PTPRN2: variants seen among roughly 807,000 people sequenced by gnomAD.
The protein encoded by PTPRN2 is receptor-type tyrosine-protein phosphatase N2.
A neutral mutation model predicts 118.8 loss-of-function variants in PTPRN2; 74 were observed. The ratio of observed to expected loss-of-function variants is 0.62; its 90% CI spans 0.52 to 0.76. PTPRN2 has a LOEUF of 0.76. Ranked by LOEUF, PTPRN2 falls within the 30% of genes least tolerant of loss-of-function variation. The probability of loss-of-function intolerance (pLI) is 0.00; values close to 1 mark genes in which losing one functional copy is unlikely to be tolerated. For missense variants in PTPRN2, 1,481 were observed against 1,394.4 expected (o/e 1.06, Z -0.99); for synonymous variants, 641 against 608.0 (o/e 1.05, Z -0.80).
chr7:158,341,863 GC>G lies in PTPRN2; in HGVS notation c.164-24932del, dbSNP rs1806898144. Among the ~76,000 whole-genome samples the G allele has an allele frequency of 3.5e-5, 3 of 84,742 alleles. 1 individual carries two copies. Among genetic ancestry groups the G allele is most frequent in the Non-Finnish European group, 6.6e-5 (3 of 45,308 alleles). The allele number at this position is 84,742 out of a possible 152,430, so 55.6% of individuals were successfully genotyped here. ...ACCCACACTCTCACCATAAGAGTGT[GC>G]CCCGCAGGCGTCACTCACACCCACA... is the stretch of plus-strand genomic sequence containing the variant. On this transcript the variant is annotated intron_variant, in intron 2 of 22. Transcript: ENST00000389418.
In PTPRN2 at chr7:157,671,107, C is replaced by T. The variant is rs1256119500; in HGVS notation, c.2001+11618G>A. On this transcript the variant is annotated intron_variant, in intron 13 of 22. Coordinates refer to ENST00000389418, the MANE Select transcript of PTPRN2 (RefSeq NM_002847.5). This position sits in a 1 kb window ranked among gnomAD's most constrained non-coding sequence, Gnocchi z 4.1. Reference sequence around the variant, plus strand: ...CCAAGAGGGTTTACATGCTCCCCCGCCCCCCGTCCCCTGCCCACAGACCTG... The same window carrying T: ...CCAAGAGGGTTTACATGCTCCCCCGTCCCCCGTCCCCTGCCCACAGACCTG... 2.8e-5 allele frequency among the ~76,000 whole-genome samples: 4 copies of T among 141,724 alleles called. No individual in the cohort carries two copies. Among genetic ancestry groups the T allele is most frequent in the East Asian group, 2.3e-4 (1 of 4,350 alleles). The allele number at this position is 141,724 out of a possible 152,430, so 93.0% of individuals were successfully genotyped here.
At chr7:158,369,266 C>T (rs12113599) in intron 2 of PTPRN2, among the ~76,000 whole-genome samples, 695 of 23,302 alleles carry the variant, frequency 0.03, 9 homozygotes, top group Admixed American at 0.15. Flanking sequence ...TATATACACA[C>T]ATACACACAC....
intron 21 of PTPRN2, among the ~76,000 whole-genome samples, chr7:157,559,269 C>G (rs1413277876): frequency 6.6e-6 from 1 of 152,192 alleles, no homozygotes; most frequent in Non-Finnish European, 1.5e-5. Flanking sequence ...CCTGCTGCCT[C>G]TGGGGACAGC....
intron 3 of PTPRN2, among the ~76,000 whole-genome samples, chr7:158,244,803 T>C (rs909841707): frequency 3.5e-5 from 5 of 144,134 alleles, no homozygotes; most frequent in African/African-American, 1.1e-4. Context: ...GTGTGAGTTG[T>C]GTGTGAGAGT....
intron 12 of PTPRN2, among the ~76,000 whole-genome samples, chr7:157,775,507 G>T (rs979748884): frequency 1.3e-5 from 2 of 152,244 alleles, no homozygotes; most frequent in Non-Finnish European, 2.9e-5. Flanking sequence ...CTGAATACAG[G>T]ACTCGATGCC....
At chr7:157,855,005 T>A (rs1809584811) in intron 12 of PTPRN2, 1 of 159,688 alleles carries the variant, frequency 6.3e-6, no homozygotes, top group Non-Finnish European at 1.3e-5. Context: ...ATTGCAGGGG[T>A]GTGTGTGGGG....
intron 9 of PTPRN2, among the ~76,000 whole-genome samples, chr7:158,133,358 C>T (rs1032142946): frequency 6.6e-6 from 1 of 152,184 alleles, no homozygotes; most frequent in South Asian, 2.1e-4. Flanking sequence ...GATTCTGACC[C>T]GCAGAGAGGC....
Position 157,599,679 on chromosome 7 carries a change from C to T in PTPRN2, c.2418+4323G>A, listed in dbSNP as rs977889507. Among the ~76,000 whole-genome samples, 3 of 152,192 alleles carry T rather than the reference C, an allele frequency of 2.0e-5. No individual in the cohort carries two copies. The South Asian group carries it at 6.2e-4, about 31-fold the overall frequency. ...CACTGCGGGGCAGGTGAAGGGAACG[C>T]CAGTTTCTGCTCCCAAACCAGCCCC... On this transcript the variant is annotated intron_variant, in intron 16 of 22. Transcript: ENST00000389418.
chr7:158,420,576 T>C (rs1489509240), intron 2 of PTPRN2, among the ~76,000 whole-genome samples: 1 of 152,192 alleles, frequency 6.6e-6, no homozygotes, highest in Non-Finnish European at 1.5e-5. Context: ...GCTTGACAAA[T>C]ATCGTGCATA....
In PTPRN2 at chr7:158,167,102, T is replaced by C. The variant is rs73745196; in HGVS notation, c.739A>G (p.Ser247Gly). ...VDRHHLMAAL[S>G]AYAAQRPPAP... is the part of the protein sequence containing the mutation. Reference sequence around the variant, plus strand: ...GGGGGCCTCTGGGCAGCATAGGCACTGAGGGCCGCCATCAGATGGTGTCTG... The same window carrying C: ...GGGGGCCTCTGGGCAGCATAGGCACCGAGGGCCGCCATCAGATGGTGTCTG... Residue 247 changes from serine (S) to glycine (G), a missense_variant, in exon 6 of 23, where the codon AGT (serine) becomes GGT (glycine). Around this residue, in one of 3 missense-constraint regions of PTPRN2, gnomAD observed 1,115 missense variants for 994.2 expected, o/e 1.12. Transcript: ENST00000389418. The C allele has an allele frequency of 3.4e-3, 5,548 of 1,613,034 alleles. 159 individuals are homozygous for C. The African/African-American group carries it at 0.063, about 18-fold the overall frequency.
At position 158,441,318 on chromosome 7, in the gene PTPRN2, A is replaced by G. The variant is rs1425471019; in HGVS notation, c.163+48417T>C. The stretch of plus-strand genomic sequence containing the variant: ...GATGGTGATAGTAATGGTGATGGCA[A>G]TGAAGGTGATGGTGATGGTGATCAG... On this transcript the variant is annotated intron_variant, in intron 2 of 22. Transcript: ENST00000389418. Among the ~76,000 whole-genome samples the G allele has an allele frequency of 1.5e-4, 14 of 90,948 alleles. 2 individuals are homozygous for G. The highest frequency in any genetic ancestry group is 0.015 in the Middle Eastern group (2 of 130). 59.7% of individuals were successfully genotyped at this position (90,948 alleles called of 152,430 possible).
intron 11 of PTPRN2, among the ~76,000 whole-genome samples, chr7:158,001,621 T>C (rs1236964050): frequency 6.6e-6 from 1 of 151,880 alleles, no homozygotes; most frequent in Non-Finnish European, 1.5e-5. Context: ...ACGCAGGCAG[T>C]GTAGTAGATG....
At chr7:158,340,905 G>T (rs1806623736) in intron 2 of PTPRN2, among the ~76,000 whole-genome samples, 1 of 85,270 alleles carries the variant, frequency 1.2e-5, no homozygotes, top group Admixed American at 1.2e-4. Context: ...GACACCCGAA[G>T]TCAGTCACAC....
intron 5 of PTPRN2, among the ~76,000 whole-genome samples, chr7:158,171,817 TGAAG>T (rs1368606792): frequency 6.6e-6 from 1 of 152,160 alleles, no homozygotes; most frequent in Non-Finnish European, 1.5e-5. Context: ...AACATACCAA[TGAAG>T]GGAGGTTTCC....
chr7:158,212,943 C>CA (rs1402295685), intron 3 of PTPRN2, among the ~76,000 whole-genome samples: 1 of 152,048 alleles, frequency 6.6e-6, no homozygotes, highest in Non-Finnish European at 1.5e-5. Flanking sequence ...GTTATGAAGG[C>CA]AAAATCCATG....
chr7:157,769,902 G>A (rs1802699216), intron 12 of PTPRN2, among the ~76,000 whole-genome samples: 4 of 152,288 alleles, frequency 2.6e-5, no homozygotes, highest in East Asian at 1.9e-4. Context: ...CCCAAGACCC[G>A]GCAGATGGCC....
intron 12 of PTPRN2, among the ~76,000 whole-genome samples, chr7:157,800,897 A>G (rs1805235189): frequency 6.6e-6 from 1 of 151,888 alleles, no homozygotes; most frequent in Non-Finnish European, 1.5e-5. Flanking sequence ...GCTTGCAGTG[A>G]GCCGAGATCG....
At chr7:158,274,628 G>A (rs751969391) in intron 3 of PTPRN2, among the ~76,000 whole-genome samples, 20 of 152,172 alleles carry the variant, frequency 1.3e-4, no homozygotes, top group Admixed American at 3.9e-4. Context: ...TCCTGGGAAC[G>A]CTGTGGAAAT....
intron 14 of PTPRN2, among the ~76,000 whole-genome samples, chr7:157,637,811 CT>C (rs1804413561): frequency 1.3e-5 from 2 of 152,206 alleles, no homozygotes; most frequent in South Asian, 4.1e-4. Context: ...AGTAGCAGGT[CT>C]TTTCTTAGCA....
Sources: allele counts gnomAD v4.1 joint callset (sites outside exome capture counted in the v4.1 genomes callset), GRCh38; gene constraint gnomAD v4.1.1; regional missense constraint gnomAD v4.1.1; non-coding constraint Gnocchi (gnomAD v3.1); transcripts MANE v1.5; gene names NCBI Gene and HGNC (gene_info 2026-07-23, HGNC 2026-07-21).